NALF1: variants seen among roughly 807,000 people sequenced by gnomAD.
NALF1 encodes NALCN channel auxiliary factor 1.
NALF1 carries 3 observed loss-of-function variants against 48.4 expected under a neutral mutation model. The ratio of observed to expected loss-of-function variants is 0.06; its 90% confidence interval spans 0.03 to 0.16. The LOEUF is 0.16. NALF1 is among the 10% of genes least tolerant of loss of function. The pLI is 1.00. For missense variants in NALF1, 526 were observed against 571.5 expected (o/e 0.92, Z 0.81); for synonymous variants, 262 against 245.7 (o/e 1.07, Z -0.62).
intron 1 of NALF1, among the ~76,000 whole-genome samples, chr13:107,342,201 T>G (rs189464519): frequency 2.6e-5 from 4 of 152,298 alleles, no homozygotes; most frequent in African/African-American, 9.6e-5. Context: ...CATTTGTATT[T>G]TCTATAAGCT....
chr13:107,854,881 AAAG>A (rs1224776979), intron 1 of NALF1, among the ~76,000 whole-genome samples: 34 of 151,322 alleles, frequency 2.2e-4, no homozygotes, highest in East Asian at 7.8e-4. Context: ...AAAAAAAAAA[AAAG>A]AAAAAAAGAC....
chr13:107,806,393 C>A (rs1169830854), intron 1 of NALF1, among the ~76,000 whole-genome samples: 1 of 151,638 alleles, frequency 6.6e-6, no homozygotes, highest in African/African-American at 2.4e-5. Flanking sequence ...CAGAAAAGAA[C>A]CCCAGAAAAA....
chr13:107,782,869 CTGGGAAGTGAGGAG>C (rs1877943719), intron 1 of NALF1, among the ~76,000 whole-genome samples: 2 of 151,830 alleles, frequency 1.3e-5, no homozygotes, highest in Admixed American at 6.6e-5. Context: ...GCCGCCCCGT[CTGGGAAGTGAGGAG>C]CGTCTCCGCC....
intron 1 of NALF1, among the ~76,000 whole-genome samples, chr13:107,287,153 C>T (rs9587345): frequency 0.077 from 11,721 of 152,184 alleles, 836 homozygotes; most frequent in East Asian, 0.34. Context: ...ATTGAAAGTG[C>T]TGTTAGTGAC....
intron 1 of NALF1, among the ~76,000 whole-genome samples, chr13:107,352,478 C>A (rs146257724): frequency 2.0e-5 from 3 of 152,252 alleles, no homozygotes; most frequent in South Asian, 4.1e-4. Flanking sequence ...GTTCTGGAGG[C>A]TGAAGTCCAA....
chr13:107,405,351 T>A (rs1446266823), intron 1 of NALF1, among the ~76,000 whole-genome samples: 1 of 152,086 alleles, frequency 6.6e-6, no homozygotes, highest in Admixed American at 6.6e-5. Context: ...AGATCTAACA[T>A]CTATCCATCT....
intron 1 of NALF1, among the ~76,000 whole-genome samples, chr13:107,384,874 C>T (rs115480868): frequency 6.6e-6 from 1 of 152,324 alleles, no homozygotes; most frequent in African/African-American, 2.4e-5. Context: ...GTGTTTCCCA[C>T]TGGTTATACC....
chr13:107,777,357 A>T (rs1326617921), intron 1 of NALF1, among the ~76,000 whole-genome samples: 3 of 152,198 alleles, frequency 2.0e-5, no homozygotes, highest in Non-Finnish European at 4.4e-5. Context: ...AGAAAGGCAG[A>T]TACACCCATT....
rs191280186 is a variant in NALF1, at chr13:107,783,981, T to C, written c.915+81701A>G. ...TCAGAGCTGAGCTCCCGGGAGGCAGTAGGATTACTATGTGCTGATTCCACA... is the reference window on the plus strand; with the variant it reads ...TCAGAGCTGAGCTCCCGGGAGGCAGCAGGATTACTATGTGCTGATTCCACA... On this transcript the variant is annotated intron_variant, in intron 1 of 2. Transcript: ENST00000375915. Among the ~76,000 whole-genome samples the C allele has an allele frequency of 5.4e-3, 815 of 152,086 alleles. 8 individuals carry two copies. The highest frequency in any genetic ancestry group is 6.4e-3 in the Non-Finnish European group (435 of 67,994).
intron 1 of NALF1, among the ~76,000 whole-genome samples, chr13:107,681,485 TA>T (rs34641249): frequency 3.1e-4 from 47 of 151,254 alleles, no homozygotes; most frequent in African/African-American, 2.7e-4. Flanking sequence ...GAGAAAAGTT[TA>T]AAAAAAAATC....
chr13:107,538,753 G>T (rs907654855), intron 1 of NALF1, among the ~76,000 whole-genome samples: 32 of 152,070 alleles, frequency 2.1e-4, no homozygotes, highest in Non-Finnish European at 4.4e-5. Flanking sequence ...ATTTCTCTAA[G>T]CTACAGTTTA....
intron 1 of NALF1, among the ~76,000 whole-genome samples, chr13:107,672,272 T>C (rs959460517): frequency 3.3e-5 from 5 of 152,196 alleles, no homozygotes; most frequent in Admixed American, 2.6e-4. Flanking sequence ...GATTGACTAT[T>C]ATAGCTATTA....
At chr13:107,255,566 TAAAG>T (rs56016844) in intron 1 of NALF1, among the ~76,000 whole-genome samples, 17,167 of 152,062 alleles carry the variant, frequency 0.11, 1,128 homozygotes, top group African/African-American at 0.16. Flanking sequence ...GTTTTATAGA[TAAAG>T]AAAGTCCATT....
At chr13:107,319,556 C>T (rs182222765) in intron 1 of NALF1, among the ~76,000 whole-genome samples, 76 of 152,066 alleles carry the variant, frequency 5.0e-4, no homozygotes, top group African/African-American at 1.8e-3. Context: ...TATTTTCTGC[C>T]TTGTTCTTAG....
At chr13:107,331,331 T>A (rs1277145457) in intron 1 of NALF1, among the ~76,000 whole-genome samples, 2 of 152,120 alleles carry the variant, frequency 1.3e-5, no homozygotes, top group Non-Finnish European at 2.9e-5. Context: ...TGTTAATAAA[T>A]AATAGAAATG....
rs1342754259 is a variant in NALF1, at chr13:107,347,686, CTG to C, written c.916-136933_916-136932del. Among the ~76,000 whole-genome samples, 11 of 152,266 alleles carry C rather than the reference CTG, an allele frequency of 7.2e-5. No homozygotes were observed. The East Asian group carries it at 1.9e-3, about 27-fold the overall frequency. ...TAATGCATTACGCAAAAGAAAAAGT[CTG>C]TGTTAAGTCAAATGAAAAGAAAAAA... On this transcript the variant is annotated intron_variant, in intron 1 of 2. Coordinates refer to ENST00000375915, the MANE Select transcript of NALF1 (RefSeq NM_001080396.3).
chr13:107,819,709 CTCTCTCTCTGGAAACTG>C (rs1269570693), intron 1 of NALF1, among the ~76,000 whole-genome samples: 1 of 150,094 alleles, frequency 6.7e-6, no homozygotes, highest in African/African-American at 2.5e-5. Context: ...CTCTCTCTCT[CTCTCTCTCTGGAAACTG>C]TCTCTCTCTC....
intron 1 of NALF1, among the ~76,000 whole-genome samples, chr13:107,854,462 A>T (rs1880393731): frequency 6.6e-6 from 1 of 152,198 alleles, no homozygotes; most frequent in Admixed American, 6.5e-5. Context: ...CCCGATTTTA[A>T]ATGATTTAAG....
At chr13:107,305,382 G>C (rs1256514655) in intron 1 of NALF1, among the ~76,000 whole-genome samples, 1 of 152,116 alleles carries the variant, frequency 6.6e-6, no homozygotes, top group Admixed American at 6.5e-5. Flanking sequence ...GATTGCTTAC[G>C]CAATAATGGG....
Sources: allele counts gnomAD v4.1 joint callset (sites outside exome capture counted in the v4.1 genomes callset), GRCh38; gene constraint gnomAD v4.1.1; transcripts MANE v1.5; gene names NCBI Gene and HGNC (gene_info 2026-07-23, HGNC 2026-07-21).